The following NOMO3 variants were observed in gnomAD, a reference collection of about 807,000 sequenced individuals.
The protein encoded by NOMO3 is NODAL modulator 3, also known as BOS complex subunit NOMO3.
In NOMO3, 15 loss-of-function variants were observed where a neutral mutation model predicts 69.9. The ratio of observed to expected loss-of-function variants is 0.21; its 90% CI spans 0.14 to 0.33. The LOEUF is 0.33. Among genes scored for constraint, NOMO3 ranks in the 10% least tolerant of loss-of-function variants. The probability of loss-of-function intolerance (pLI) is 1.00; values close to 1 mark genes in which losing one functional copy is unlikely to be tolerated. For missense variants in NOMO3, 218 were observed against 761.0 expected (o/e 0.29, Z 8.39); for synonymous variants, 89 against 301.9 (o/e 0.29, Z 7.31).
chr16:16,263,362 T>C lies in NOMO3; in HGVS notation c.1537+147T>C, dbSNP rs1471055106. The C allele has an allele frequency of 1.1e-5, 18 of 1,574,792 alleles. 5 individuals carry two copies. The African/African-American group carries it at 1.2e-4, about 11-fold the overall frequency. On this transcript the variant is annotated intron_variant, in intron 13 of 30. Coordinates refer to ENST00000399336, the MANE Select transcript of NOMO3 (RefSeq NM_001004067.4). Reference sequence around the variant, plus strand: ...GGCTTCTTGGAGTCAGGTGGGTACATGTTAACTTGAAAGAAGCGCTCCGTC... The same window carrying C: ...GGCTTCTTGGAGTCAGGTGGGTACACGTTAACTTGAAAGAAGCGCTCCGTC...
chr16:16,252,719 A>G (rs1420194333), intron 9 of NOMO3, among the ~76,000 whole-genome samples, 197 bp downstream of exon 9: 1 of 94,864 alleles, frequency 1.1e-5, no homozygotes, highest in Non-Finnish European at 1.9e-5. Flanking sequence ...CTACTCATTC[A>G]ATGAAATATA....
rs2141263440 is a variant in NOMO3, at chr16:16,270,112, T to C, written c.1895-9T>C. On this transcript the variant is annotated splice_polypyrimidine_tract_variant and intron_variant, in intron 16 of 30. Transcript: ENST00000399336. ...TCTCTGAAAATTACTTTTGATTTCC[T>C]GTCTGTAGGTGTGTACAAAGTGACC... 2 of 1,544,010 alleles carry C rather than the reference T, an allele frequency of 1.3e-6. 1 individual carries two copies. Among genetic ancestry groups the C allele is most frequent in the Non-Finnish European group, 1.7e-6 (2 of 1,154,756 alleles).
intron 1 of NOMO3, among the ~76,000 whole-genome samples, chr16:16,234,599 GTTTT>G (rs1432429572): frequency 6.9e-6 from 1 of 144,274 alleles, no homozygotes; most frequent in African/African-American, 2.7e-5. Flanking sequence ...TCTTGATTGT[GTTTT>G]TTGTGTTCCT....
intron 11 of NOMO3, among the ~76,000 whole-genome samples, chr16:16,260,267 T>G (rs2049551814): frequency 7.6e-6 from 1 of 131,260 alleles, no homozygotes; most frequent in Non-Finnish European, 1.5e-5. Context: ...CACAACTACA[T>G]TTTTGGACAC....
chr16:16,243,400 T>C (rs1461423238), intron 4 of NOMO3, 139 bp downstream of exon 4: 1 of 864,332 alleles, frequency 1.2e-6, no homozygotes, highest in African/African-American at 2.1e-5. Context: ...AGTGAGCCTG[T>C]GAACTCTGTA....
At chr16:16,235,176 C>T (rs1169303591) in intron 1 of NOMO3, among the ~76,000 whole-genome samples, 10 of 151,120 alleles carry the variant, frequency 6.6e-5, no homozygotes, top group East Asian at 5.8e-4. Flanking sequence ...TTATTTCACA[C>T]GAGTCCTTTC....
In NOMO3 at chr16:16,236,774, G is replaced by A. The variant is rs939856296; in HGVS notation, c.166-127G>A. The A allele has an allele frequency of 4.1e-5, 32 of 774,494 alleles. 3 individuals carry two copies. The highest frequency in any genetic ancestry group is 5.4e-5 in the Admixed American group (2 of 36,736). The allele number at this position is 774,494 out of a possible 1,614,324, so 48.0% of individuals were successfully genotyped here. ...TTCCCTCTGTCCCCAGTAATGCCCC[G>A]TGTTAAAAGCTGGCATATAATAGGT... On this transcript the variant is annotated intron_variant, in intron 1 of 30. Coordinates refer to ENST00000399336, the MANE Select transcript of NOMO3 (RefSeq NM_001004067.4).
At chr16:16,239,985 TA>T (rs1281620008) in intron 3 of NOMO3, 89 bp downstream of exon 3, 7 of 493,484 alleles carry the variant, frequency 1.4e-5, no homozygotes, top group Non-Finnish European at 2.5e-5. Flanking sequence ...CATAAACTAT[TA>T]AAATATTAAG....
intron 11 of NOMO3, among the ~76,000 whole-genome samples, chr16:16,258,402 C>A (rs2049534299): frequency 7.4e-6 from 1 of 134,944 alleles, no homozygotes; most frequent in Non-Finnish European, 1.5e-5. Flanking sequence ...AAAGAAAGAT[C>A]TTCCCTAGTA....
At position 16,265,062 on chromosome 16, in the gene NOMO3, T is replaced by C. The variant is rs373655478; in HGVS notation, c.1689T>C (p.Asp563=). 22 of 1,566,490 alleles carry C rather than the reference T, an allele frequency of 1.4e-5. No individual in the cohort carries two copies. The highest frequency in any genetic ancestry group is 1.7e-5 in the African/African-American group (1 of 57,234). ...GKYKISIMHE[D]WCWKNKSLEV... ...TTGCAGTAAGCATCATGCATGAGGA[T>C]TGGTGCTGGAAGAACAAGAGCCTGG... is the stretch of plus-strand genomic sequence containing the variant. The change falls in exon 15 of 31, where the codon GAT becomes GAC. Residue 563 remains aspartate (D), a synonymous_variant. Transcript: ENST00000399336.
Position 16,240,512 on chromosome 16 carries a change from C to G in NOMO3, c.301+616C>G, listed in dbSNP as rs530248349. ...GGGGCTGGCACGTAATTAGCAAGTACTCAGTATTCAGAAACAGCCCTTCTG... is the reference window on the plus strand; with the variant it reads ...GGGGCTGGCACGTAATTAGCAAGTAGTCAGTATTCAGAAACAGCCCTTCTG... On this transcript the variant is annotated intron_variant, in intron 3 of 30. Transcript: ENST00000399336. Among the ~76,000 whole-genome samples, 2 of 145,736 alleles carry G rather than the reference C, an allele frequency of 1.4e-5. 1 individual carries two copies. Among genetic ancestry groups the G allele is most frequent in the South Asian group, 4.4e-4 (2 of 4,564 alleles).
intron 14 of NOMO3, among the ~76,000 whole-genome samples, chr16:16,264,764 T>C (rs2049594693): frequency 7.3e-6 from 1 of 137,920 alleles, no homozygotes; most frequent in Admixed American, 7.0e-5. Context: ...GTCAGACTGG[T>C]CTTGAACTCC....
At chr16:16,252,260 T>C (rs1480924678) in intron 8 of NOMO3, among the ~76,000 whole-genome samples, 160 bp downstream of exon 8, 1 of 143,632 alleles carries the variant, frequency 7.0e-6, no homozygotes, top group Non-Finnish European at 1.5e-5. Flanking sequence ...CACCCCTTCG[T>C]AATAGCTACA....
chr16:16,265,521 G>A (rs1254698545), intron 15 of NOMO3, among the ~76,000 whole-genome samples: 9 of 134,652 alleles, frequency 6.7e-5, no homozygotes, highest in African/African-American at 1.6e-4. Flanking sequence ...AGTTTTCACC[G>A]AAAATTGAGA....
At chr16:16,244,074 A>G (rs2049396377) in intron 4 of NOMO3, among the ~76,000 whole-genome samples, 1 of 143,640 alleles carries the variant, frequency 7.0e-6, no homozygotes, top group East Asian at 2.2e-4. Context: ...CCCGTGATTC[A>G]GATTCTCAGG....
chr16:16,243,679 C>T (rs1383700878), intron 4 of NOMO3, among the ~76,000 whole-genome samples: 2 of 138,024 alleles, frequency 1.4e-5, no homozygotes, highest in Non-Finnish European at 3.0e-5. Flanking sequence ...TGTGTGCCAC[C>T]ATGCCTGGCT....
chr16:16,270,273 T>G (rs2049652031), intron 17 of NOMO3, 89 bp downstream of exon 17: 1 of 1,584,058 alleles, frequency 6.3e-7, no homozygotes. Context: ...GGAGTTTTTC[T>G]GTTTTTTTTC....
rs1414642516 is a variant in NOMO3, at chr16:16,266,510, C to T, written c.1807-534C>T. 6.6e-5 allele frequency: 18 copies of T among 273,470 alleles called. 3 individuals are homozygous for T. Among genetic ancestry groups the T allele is most frequent in the Non-Finnish European group, 1.1e-4 (17 of 156,214 alleles). 16.9% of individuals were successfully genotyped at this position (273,470 alleles called of 1,614,324 possible). On this transcript the variant is annotated intron_variant, in intron 15 of 30. Transcript: ENST00000399336. ...TCCCACACCAAGCTCACTCCCTCCT[C>T]GGGGCCTTTGCACATACTCTCCCCT... is the stretch of plus-strand genomic sequence containing the variant.
In NOMO3 at chr16:16,260,408, G is replaced by C. The variant is rs1402955551; in HGVS notation, c.1221-1094G>C. On this transcript the variant is annotated intron_variant, in intron 11 of 30. Transcript: ENST00000399336. ...TGCAGTTCATACACAAACGGGAGGGGGGTCCTTGGGTGGTAGTTTGCTGAC... is the reference window on the plus strand; with the variant it reads ...TGCAGTTCATACACAAACGGGAGGGCGGTCCTTGGGTGGTAGTTTGCTGAC... Among the ~76,000 whole-genome samples, 2 of 140,336 alleles carry C rather than the reference G, an allele frequency of 1.4e-5. 1 individual carries two copies. Among genetic ancestry groups the C allele is most frequent in the East Asian group, 4.7e-4 (2 of 4,290 alleles). The allele number at this position is 140,336 out of a possible 152,430, so 92.1% of individuals were successfully genotyped here.
Sources: gnomAD v4.1 joint callset for allele counts (sites outside exome capture counted in the v4.1 genomes callset) on GRCh38, gnomAD v4.1.1 for gene constraint, MANE v1.5 for transcripts, NCBI Gene and HGNC (gene_info 2026-07-23, HGNC 2026-07-21) for gene names.